The following CSMD1 variants were observed in gnomAD, a reference collection of about 807,000 sequenced individuals.
The protein encoded by CSMD1 is CUB and Sushi multiple domains 1.
A neutral mutation model predicts 417.5 loss-of-function variants in CSMD1; 213 were observed. The observed-to-expected ratio is 0.51, with a 90% CI of 0.46 to 0.57. The LOEUF (loss-of-function observed/expected upper bound fraction) is 0.57. Among genes scored for constraint, CSMD1 ranks in the 20% least tolerant of loss-of-function variants. The pLI is 0.00. For synonymous variants in CSMD1, 2,862 were observed against 1,736.8 expected (o/e 1.65, Z -16.11); for missense variants, 6,923 against 4,529.7 (o/e 1.53, Z -15.17).
At chr8:3,969,384 G>C (rs1412771755) in intron 5 of CSMD1, among the ~76,000 whole-genome samples, 1 of 152,142 alleles carries the variant, frequency 6.6e-6, no homozygotes, top group Non-Finnish European at 1.5e-5. Flanking sequence ...GAAAAACATT[G>C]CTCCAATCTC....
chr8:4,104,381 G>C lies in CSMD1; in HGVS notation c.416-72282C>G, dbSNP rs1295912074. On this transcript the variant is annotated intron_variant, in intron 3 of 69. Coordinates refer to ENST00000635120, the MANE Select transcript of CSMD1 (RefSeq NM_033225.6). The stretch of plus-strand genomic sequence containing the variant: ...ACACTGTGAAAAAATGCACAGGGCA[G>C]TACTACACACACACGTGTACACACA... Among the ~76,000 whole-genome samples the C allele has an allele frequency of 7.2e-5, 11 of 152,134 alleles. No homozygotes were observed. In the East Asian group the frequency reaches 1.5e-3, roughly 21 times the overall value.
chr8:3,445,597 C>G (rs1815251811), intron 12 of CSMD1, among the ~76,000 whole-genome samples: 1 of 151,894 alleles, frequency 6.6e-6, no homozygotes, highest in South Asian at 2.1e-4. Flanking sequence ...CATCACAGAC[C>G]ACAATAAAGA....
At chr8:3,817,570 C>A (rs921169100) in intron 5 of CSMD1, among the ~76,000 whole-genome samples, 2 of 151,990 alleles carry the variant, frequency 1.3e-5, no homozygotes, top group South Asian at 2.1e-4. Flanking sequence ...TGAGCCACTG[C>A]GCCTGGCCAT....
chr8:3,796,508 TATATCTATATATCTATATCTA>T (rs1278471374), intron 5 of CSMD1, among the ~76,000 whole-genome samples: 1 of 144,044 alleles, frequency 6.9e-6, no homozygotes, highest in Non-Finnish European at 1.5e-5. Context: ...TATAGATATA[TATATCTATATATCTATATCTA>T]AGATATATAT....
chr8:3,724,207 T>A (rs796537099), intron 6 of CSMD1, among the ~76,000 whole-genome samples: 47 of 149,386 alleles, frequency 3.1e-4, no homozygotes, highest in African/African-American at 1.0e-3. Flanking sequence ...TTTTTTTTTT[T>A]ATTATTATAC....
At chr8:3,875,394 G>C (rs1198837955) in intron 5 of CSMD1, among the ~76,000 whole-genome samples, 1 of 152,174 alleles carries the variant, frequency 6.6e-6, no homozygotes, top group Non-Finnish European at 1.5e-5. Flanking sequence ...GCGTAGACAT[G>C]GTCTATGAAG....
At chr8:3,758,673 GAA>G (rs1403548907) in intron 5 of CSMD1, among the ~76,000 whole-genome samples, 1 of 152,182 alleles carries the variant, frequency 6.6e-6, no homozygotes, top group Non-Finnish European at 1.5e-5. Context: ...AGATTTAGAA[GAA>G]AAGAATTCAA....
At chr8:3,674,600 C>G (rs2117559250) in intron 7 of CSMD1, among the ~76,000 whole-genome samples, 1 of 150,728 alleles carries the variant, frequency 6.6e-6, no homozygotes. Flanking sequence ...TATTATAACT[C>G]CAGATTCTAG....
chr8:4,529,278 G>A (rs532758538), intron 2 of CSMD1, among the ~76,000 whole-genome samples: 103 of 152,144 alleles, frequency 6.8e-4, no homozygotes, highest in African/African-American at 2.4e-3. Context: ...TTTCCAAAAG[G>A]TACATAGTGC....
At chr8:4,397,005 C>G (rs1437299564) in intron 3 of CSMD1, among the ~76,000 whole-genome samples, 1 of 151,836 alleles carries the variant, frequency 6.6e-6, no homozygotes, top group Non-Finnish European at 1.5e-5. Context: ...CAAACACCAT[C>G]TGTTCCCTAA....
intron 1 of CSMD1, among the ~76,000 whole-genome samples, chr8:4,648,571 G>C (rs1255362126): frequency 6.6e-6 from 1 of 151,982 alleles, no homozygotes. Flanking sequence ...GTGTCTATCT[G>C]CACAAAAAAT....
chr8:4,752,975 A>G (rs1248120686), intron 1 of CSMD1, among the ~76,000 whole-genome samples: 4 of 152,230 alleles, frequency 2.6e-5, no homozygotes, highest in Non-Finnish European at 2.9e-5. Flanking sequence ...CATTACTTTA[A>G]AATACAATTA....
intron 10 of CSMD1, among the ~76,000 whole-genome samples, chr8:3,503,680 C>G (rs1184848929): frequency 6.6e-6 from 1 of 152,198 alleles, no homozygotes; most frequent in Non-Finnish European, 1.5e-5. Context: ...CAGCTCAAGA[C>G]AGCTAAAGAA....
intron 3 of CSMD1, among the ~76,000 whole-genome samples, chr8:4,121,231 C>T (rs1051384066): frequency 2.6e-5 from 4 of 152,082 alleles, no homozygotes; most frequent in African/African-American, 9.7e-5. Context: ...TCTCCTGCCT[C>T]AGCCTCCCAG....
intron 2 of CSMD1, among the ~76,000 whole-genome samples, chr8:4,459,017 C>G (rs1432263415): frequency 2.0e-5 from 3 of 152,178 alleles, no homozygotes; most frequent in Non-Finnish European, 4.4e-5. Flanking sequence ...GGGCCACAGC[C>G]TGCTTTCTTC....
chr8:3,242,866 G>A (rs919157382), intron 26 of CSMD1, among the ~76,000 whole-genome samples: 8 of 151,922 alleles, frequency 5.3e-5, no homozygotes, highest in Non-Finnish European at 8.8e-5. Context: ...ATAAGGGATC[G>A]GGGTACAGAG....
At chr8:3,069,022 G>T (rs566891899) in intron 49 of CSMD1, among the ~76,000 whole-genome samples, 1 of 152,090 alleles carries the variant, frequency 6.6e-6, no homozygotes, top group Non-Finnish European at 1.5e-5. Flanking sequence ...GGAGAGACAA[G>T]GCAAATCCCT....
At chr8:3,172,329 C>A (rs534804932) in intron 37 of CSMD1, among the ~76,000 whole-genome samples, 4 of 152,068 alleles carry the variant, frequency 2.6e-5, no homozygotes, top group African/African-American at 4.8e-5. Flanking sequence ...TTGGCTACAG[C>A]GTTTTTTTCC....
chr8:3,459,231 C>T (rs1461492326), intron 12 of CSMD1, among the ~76,000 whole-genome samples: 1 of 152,148 alleles, frequency 6.6e-6, no homozygotes, highest in African/African-American at 2.4e-5. Context: ...CACACGGGAG[C>T]CACAGGTGCA....
Sources: gnomAD v4.1 joint callset for allele counts (sites outside exome capture counted in the v4.1 genomes callset) on GRCh38, gnomAD v4.1.1 for gene constraint, MANE v1.5 for transcripts, NCBI Gene and HGNC (gene_info 2026-07-23, HGNC 2026-07-21) for gene names.